Variants in FRRS1 observed in about 807,000 individuals in gnomAD.
FRRS1 encodes the protein ferric reductase 1.
A neutral mutation model predicts 70.7 loss-of-function variants in FRRS1; 51 were observed. That is an observed-to-expected ratio of 0.72 (90% CI 0.58 to 0.91). FRRS1 has a LOEUF of 0.91. Among genes scored for constraint, FRRS1 ranks in the 40% least tolerant of loss-of-function variants. The probability of loss-of-function intolerance (pLI) is 0.00; values close to 1 mark genes in which losing one functional copy is unlikely to be tolerated. For missense variants in FRRS1, 672 were observed against 726.0 expected, an observed-to-expected ratio of 0.93 and a Z score of 0.86; for synonymous variants, 225 against 238.7, an observed-to-expected ratio of 0.94 and a Z score of 0.53.
intron 11 of FRRS1, among the ~76,000 whole-genome samples, chr1:99,716,706 C>T (rs1045315948): frequency 4.6e-5 from 7 of 152,158 alleles, no homozygotes; most frequent in African/African-American, 7.2e-5. Flanking sequence ...GTATTTTTTT[C>T]TACAGGCATG....
chr1:99,761,790 A>T (rs1026865121), intron 1 of FRRS1, among the ~76,000 whole-genome samples: 1 of 85,108 alleles, frequency 1.2e-5, no homozygotes, highest in African/African-American at 4.0e-5. Context: ...AGAGCTTATA[A>T]AAAAAAAAAT....
intron 7 of FRRS1, among the ~76,000 whole-genome samples, chr1:99,730,795 A>G (rs1485595288): frequency 6.9e-6 from 1 of 144,576 alleles, no homozygotes; most frequent in African/African-American, 2.6e-5. Context: ...TGAACCCGGG[A>G]GGTGGAGCTG....
chr1:99,719,082 A>C (rs889921104), intron 10 of FRRS1, among the ~76,000 whole-genome samples: 6 of 151,010 alleles, frequency 4.0e-5, no homozygotes, highest in African/African-American at 1.5e-4. Flanking sequence ...AAAAAAAAAA[A>C]GATGATGCTG....
Position 99,748,636 on chromosome 1 carries a change from A to G in FRRS1, c.133T>C (p.Ser45Pro). The G allele has an allele frequency of 6.2e-7, 1 of 1,614,082 alleles. No homozygotes were observed. The highest frequency in any genetic ancestry group is 8.5e-7 in the Non-Finnish European group (1 of 1,179,950). ...ACGTAAATGTCATGAACAGGAACAG[A>G]CTGTGGACTATGACCATGTTCAGGA... is the stretch of plus-strand genomic sequence containing the variant. ...MIPEHGHSPQSVPVHDIYVSQ... is the reference protein window; with the variant it reads ...MIPEHGHSPQPVPVHDIYVSQ... The change falls in exon 3 of 17, where the codon TCT (serine) becomes CCT (proline). Residue 45 changes from serine (S) to proline (P), a missense_variant. Physicochemically the swap from Ser to Pro is moderately conservative, Grantham distance 74. Transcript: ENST00000646001.
intron 8 of FRRS1, 109 bp from the exon 9 acceptor site, chr1:99,728,749 C>CAGACAAAG: frequency 3.8e-6 from 3 of 779,700 alleles, no homozygotes; most frequent in Non-Finnish European, 6.0e-6. Flanking sequence ...GATCGTATGT[C>CAGACAAAG]CATGCTTTGT....
At chr1:99,716,020 A>G (rs1654507338) in intron 11 of FRRS1, among the ~76,000 whole-genome samples, 1 of 152,240 alleles carries the variant, frequency 6.6e-6, no homozygotes, top group Admixed American at 6.5e-5. Flanking sequence ...CATCGAGCAC[A>G]GTGCTATGAC....
Position 99,738,143 on chromosome 1 carries a change from T to TA in FRRS1, c.701_702insT (p.Glu234AspfsTer7). ...AATAGCCTTTACTGGGGCCGCTCAT[T>TA]TCAACCATCACCGATTGGTCATCTC... On this transcript the variant is annotated frameshift_variant, in exon 7 of 17. Coordinates refer to ENST00000646001, the MANE Select transcript of FRRS1 (RefSeq NM_001361041.2). LOFTEE classifies it high-confidence loss of function. 1 of 1,613,880 alleles carries TA rather than the reference T, an allele frequency of 6.2e-7. No homozygotes were observed. The highest frequency in any genetic ancestry group is 8.5e-7 in the Non-Finnish European group (1 of 1,179,800).
At chr1:99,743,991 T>C (rs749411426) in intron 4 of FRRS1, among the ~76,000 whole-genome samples, 1 of 151,212 alleles carries the variant, frequency 6.6e-6, no homozygotes, top group Non-Finnish European at 1.5e-5. Context: ...GCTTGATATA[T>C]ACTGTAGATT....
At chr1:99,712,209 ATAAT>A (rs1184946906) in intron 13 of FRRS1, 46 bp from the exon 14 acceptor site, 1 of 1,287,476 alleles carries the variant, frequency 7.8e-7, no homozygotes, top group African/African-American at 1.5e-5. Flanking sequence ...CAATGGAACT[ATAAT>A]TAATTCCCAC....
At position 99,724,244 on chromosome 1, in the gene FRRS1, A is replaced by C. The variant is rs184725919; in HGVS notation, c.1006+4249T>G. ...CTCAAAGGGAGTTCATGCTTAGTGCAAGAACCAGCAGTAATAGGTTACCTA... is the reference window on the plus strand; with the variant it reads ...CTCAAAGGGAGTTCATGCTTAGTGCCAGAACCAGCAGTAATAGGTTACCTA... On this transcript the variant is annotated intron_variant, in intron 9 of 16. Transcript: ENST00000646001. Among the ~76,000 whole-genome samples, 91 of 152,356 alleles carry C rather than the reference A, an allele frequency of 6.0e-4. No homozygotes were observed. The East Asian group carries it at 0.016, about 26-fold the overall frequency.
Position 99,704,553 on chromosome 1 carries a change from AG to A in FRRS1, c.*4474del, listed in dbSNP as rs1653979531. 6.6e-6 allele frequency among the ~76,000 whole-genome samples: 1 copy of A among 152,148 alleles called. No individual in the cohort carries two copies. Among genetic ancestry groups the A allele is most frequent in the Admixed American group, 6.5e-5 (1 of 15,278 alleles). ...CGTGCCCACGGGTCTAAGTGAGGAC[AG>A]GCACCCCTGCCTTCAGCGCCCAAAT... On this transcript the variant is annotated 3_prime_UTR_variant, in exon 17 of 17. Coordinates refer to ENST00000646001, the MANE Select transcript of FRRS1 (RefSeq NM_001361041.2).
chr1:99,738,374 T>C (rs1655785529), intron 6 of FRRS1, 106 bp from the exon 7 acceptor site: 5 of 684,160 alleles, frequency 7.3e-6, no homozygotes, highest in Non-Finnish European at 9.7e-6. Context: ...CCCAAATTAA[T>C]GAGAATACCT....
At chr1:99,739,779 G>A (rs1016326919) in intron 6 of FRRS1, among the ~76,000 whole-genome samples, 1 of 152,102 alleles carries the variant, frequency 6.6e-6, no homozygotes, top group African/African-American at 2.4e-5. Flanking sequence ...AGGAAACTGA[G>A]ACTGAAAATT....
intron 7 of FRRS1, among the ~76,000 whole-genome samples, chr1:99,734,340 A>G (rs1364833834): frequency 1.3e-5 from 2 of 152,230 alleles, no homozygotes; most frequent in East Asian, 3.8e-4. Flanking sequence ...CCATGTTCTT[A>G]GAAGACACAT....
At chr1:99,751,108 G>A (rs553631037) in intron 1 of FRRS1, among the ~76,000 whole-genome samples, 2 of 152,202 alleles carry the variant, frequency 1.3e-5, no homozygotes, top group African/African-American at 4.8e-5. Flanking sequence ...AGAGGAAGAG[G>A]GAATTACTCT....
At chr1:99,747,609 C>T (rs1656347662) in intron 3 of FRRS1, 179 bp from the exon 4 acceptor site, 2 of 577,556 alleles carry the variant, frequency 3.5e-6, no homozygotes, top group East Asian at 3.0e-5. Context: ...TTCCAGTGTT[C>T]CATAAGATAT....
chr1:99,728,621 G>T lies in FRRS1; in HGVS notation c.878C>A (p.Ala293Asp). The T allele has an allele frequency of 6.2e-7, 1 of 1,613,786 alleles. No individual in the cohort carries two copies. Among genetic ancestry groups the T allele is most frequent in the Non-Finnish European group, 8.5e-7 (1 of 1,179,794 alleles). Residue 293 changes from alanine (A) to aspartate (D), a missense_variant, in exon 9 of 17, where the codon GCT becomes GAT. Transcript: ENST00000646001. ...CATAACACCGTCCGCCAACCTCCAA[G>T]CCATATCCTCAAGGGTATCCTACAA... Reference protein sequence around the residue: ...MDSRDTLEDMAWRLADGVMQC... With the variant: ...MDSRDTLEDMDWRLADGVMQC...
At chr1:99,709,536 T>C (rs1240999573) in intron 15 of FRRS1, among the ~76,000 whole-genome samples, 1 of 152,244 alleles carries the variant, frequency 6.6e-6, no homozygotes, top group Non-Finnish European at 1.5e-5. Context: ...TTTGGTTTTA[T>C]TTTTGATTGA....
rs1455635203 is a variant in FRRS1 at position 99,724,883 on chromosome 1, C to T, written c.1006+3610G>A. On this transcript the variant is annotated intron_variant, in intron 9 of 16. Transcript: ENST00000646001. Reference sequence around the variant, plus strand: ...TTATTGGATTATATTGTATTAATATCTATTACACCTAATACATATTGTATT... The same window carrying T: ...TTATTGGATTATATTGTATTAATATTTATTACACCTAATACATATTGTATT... Among the ~76,000 whole-genome samples the T allele has an allele frequency of 2.6e-5, 4 of 151,236 alleles. No individual in the cohort carries two copies. The East Asian group carries it at 7.7e-4, about 29-fold the overall frequency.
Sources: allele counts gnomAD v4.1 joint callset (sites outside exome capture counted in the v4.1 genomes callset), GRCh38; gene constraint gnomAD v4.1.1; transcripts MANE v1.5; gene names NCBI Gene and HGNC (gene_info 2026-07-23, HGNC 2026-07-21).